UPF2: variants seen among roughly 807,000 people sequenced by gnomAD.
UPF2 encodes the protein regulator of nonsense transcripts 2.
UPF2 carries 17 observed loss-of-function variants against 141.4 expected under a neutral mutation model. The observed-to-expected ratio is 0.12, with a 90% confidence interval of 0.08 to 0.18. The LOEUF is 0.18. UPF2 is among the 10% of genes least tolerant of loss of function. UPF2 has a pLI of 1.00. For synonymous variants in UPF2, 540 were observed against 498.0 expected (o/e 1.08, Z -1.12); for missense variants, 1,152 against 1,515.9 (o/e 0.76, Z 3.99).
At chr10:11,966,143 A>G (rs1833316307) in intron 10 of UPF2, among the ~76,000 whole-genome samples, 1 of 152,218 alleles carries the variant, frequency 6.6e-6, no homozygotes, top group African/African-American at 2.4e-5. Context: ...GCATTTGAAA[A>G]GATTGTAAAT....
Position 12,016,927 on chromosome 10 carries a change from G to A in UPF2, c.1146-2743C>T, listed in dbSNP as rs1272616807. On this transcript the variant is annotated intron_variant, in intron 3 of 21. Coordinates refer to ENST00000357604, the MANE Select transcript of UPF2 (RefSeq NM_015542.4). This position sits in a 1 kb window ranked among gnomAD's most constrained non-coding sequence, Gnocchi z 4.1. ...CCTAGCTCCTTGGGAGGCTGAGGCA[G>A]GAGAATCATTTGAACTCGGAAGGCA... is the stretch of plus-strand genomic sequence containing the variant. 6.6e-6 allele frequency among the ~76,000 whole-genome samples: 1 copy of A among 151,592 alleles called. No individual in the cohort carries two copies. The highest frequency in any genetic ancestry group is 1.5e-5 in the Non-Finnish European group (1 of 67,970).
intron 1 of UPF2, among the ~76,000 whole-genome samples, chr10:12,041,833 T>A (rs978518324): frequency 6.6e-6 from 1 of 152,172 alleles, no homozygotes; most frequent in African/African-American, 2.4e-5. Flanking sequence ...GGAAATGAGA[T>A]AAAGCGTCAG....
chr10:12,018,666 C>G (rs1834266594), intron 3 of UPF2, among the ~76,000 whole-genome samples: 1 of 152,034 alleles, frequency 6.6e-6, no homozygotes, highest in Admixed American at 6.6e-5. Flanking sequence ...GTGGGAGGAT[C>G]ACCTGAACCC....
intron 8 of UPF2, among the ~76,000 whole-genome samples, chr10:11,982,101 G>C (rs547997250): frequency 6.6e-6 from 1 of 151,238 alleles, no homozygotes; most frequent in East Asian, 1.9e-4. Context: ...AATTTACACT[G>C]AGATTAAATT....
At chr10:11,973,808 T>A (rs963009278) in intron 9 of UPF2, among the ~76,000 whole-genome samples, 1 of 152,206 alleles carries the variant, frequency 6.6e-6, no homozygotes, top group Non-Finnish European at 1.5e-5. Context: ...TAGCTTGAAG[T>A]CAGGTTGCAT....
At chr10:11,993,140 G>A (rs7910838) in intron 8 of UPF2, among the ~76,000 whole-genome samples, 7,761 of 113,818 alleles carry the variant, frequency 0.068, 268 homozygotes, top group Non-Finnish European at 0.09. Flanking sequence ...ACAGAGTGAG[G>A]CTCCACCTCA....
chr10:11,997,485 C>G (rs553776501), intron 8 of UPF2, among the ~76,000 whole-genome samples, 187 bp downstream of exon 8: 30 of 152,118 alleles, frequency 2.0e-4, no homozygotes, highest in African/African-American at 6.7e-4. Context: ...GAAATATTCC[C>G]ATTAGAGCTA....
chr10:11,980,617 C>T lies in UPF2; in HGVS notation c.1845-1452G>A, dbSNP rs1304147203. 6.6e-6 allele frequency among the ~76,000 whole-genome samples: 1 copy of T among 151,982 alleles called. No homozygotes were observed. The highest frequency in any genetic ancestry group is 2.4e-5 in the African/African-American group (1 of 41,364). On this transcript the variant is annotated intron_variant, in intron 8 of 21. Transcript: ENST00000357604. This position sits in a 1 kb window ranked among gnomAD's most constrained non-coding sequence, Gnocchi z 4.2. ...GCGTGGTGACAGATGCCTGCAATCCCAGCTACTCGGGAGACTGAGGCAGGA... is the reference window on the plus strand; with the variant it reads ...GCGTGGTGACAGATGCCTGCAATCCTAGCTACTCGGGAGACTGAGGCAGGA...
chr10:11,990,701 C>T (rs1221285605), intron 8 of UPF2, among the ~76,000 whole-genome samples: 1 of 128,920 alleles, frequency 7.8e-6, no homozygotes, highest in Non-Finnish European at 1.7e-5. Flanking sequence ...AAAAAGGAAA[C>T]CTGTTGACCA....
chr10:12,022,344 G>A (rs1374389749), intron 3 of UPF2, among the ~76,000 whole-genome samples: 2 of 151,672 alleles, frequency 1.3e-5, no homozygotes, highest in African/African-American at 2.4e-5. Flanking sequence ...CCTGGGAGGC[G>A]GAGGTTGCAG....
At chr10:12,003,066 T>A (rs1365826055) in intron 5 of UPF2, among the ~76,000 whole-genome samples, 1 of 152,218 alleles carries the variant, frequency 6.6e-6, no homozygotes, top group African/African-American at 2.4e-5. Context: ...TACCTCTAGA[T>A]GAAAACAGAC....
chr10:12,032,368 T>C (rs563647405), intron 2 of UPF2, among the ~76,000 whole-genome samples: 30 of 152,000 alleles, frequency 2.0e-4, no homozygotes, highest in African/African-American at 6.7e-4. Context: ...TTCAGCTGCA[T>C]TGAAAACACT....
chr10:12,013,982 C>CT (rs755892955), intron 4 of UPF2, 42 bp downstream of exon 4: 7 of 1,442,204 alleles, frequency 4.9e-6, no homozygotes, highest in South Asian at 4.7e-5. Context: ...AGTGACAGTG[C>CT]TTACAGAAAA....
intron 3 of UPF2, among the ~76,000 whole-genome samples, chr10:12,027,427 G>A (rs1834437857): frequency 6.6e-6 from 1 of 152,168 alleles, no homozygotes; most frequent in Admixed American, 6.6e-5. Context: ...GATGTATTAG[G>A]TAGGATGTAC....
rs1832833117 is a variant in UPF2, at chr10:11,935,086, C to T, written c.3546+1459G>A. ...AAATTTAGGCATCATCTGTTTGAGG[C>T]TGTGCTAGTGGGGAGGACATCTCAG... On this transcript the variant is annotated intron_variant, in intron 19 of 21. Transcript: ENST00000357604. This position sits in a 1 kb window ranked among gnomAD's most constrained non-coding sequence, Gnocchi z 4.9. 6.6e-6 allele frequency among the ~76,000 whole-genome samples: 1 copy of T among 152,122 alleles called. No homozygotes were observed. The highest frequency in any genetic ancestry group is 2.1e-4 in the South Asian group (1 of 4,816).
intron 9 of UPF2, among the ~76,000 whole-genome samples, chr10:11,973,224 C>T (rs1442760460): frequency 3.9e-5 from 6 of 152,140 alleles, no homozygotes; most frequent in Middle Eastern, 3.4e-3. Flanking sequence ...CACTTTTTGA[C>T]GGGGCTGTTT....
chr10:11,938,865 T>TTTTTTTG (rs1832894957), intron 18 of UPF2, among the ~76,000 whole-genome samples: 1 of 87,418 alleles, frequency 1.1e-5, no homozygotes, highest in Non-Finnish European at 2.3e-5. Flanking sequence ...TTTTTTTTTT[T>TTTTTTTG]TTTTTTTTTT....
chr10:11,958,329 AAAGT>A (rs1240592432), intron 12 of UPF2, among the ~76,000 whole-genome samples: 2 of 152,240 alleles, frequency 1.3e-5, no homozygotes, highest in African/African-American at 2.4e-5. Context: ...AGCCAATTGC[AAAGT>A]AAGCCTTTCA....
intron 10 of UPF2, among the ~76,000 whole-genome samples, chr10:11,965,307 C>A (rs1564347326): frequency 6.6e-6 from 1 of 152,082 alleles, no homozygotes; most frequent in Non-Finnish European, 1.5e-5. Context: ...CAGCATATTC[C>A]TTTCAATTTC....
Sources: allele counts gnomAD v4.1 joint callset (sites outside exome capture counted in the v4.1 genomes callset), GRCh38; gene constraint gnomAD v4.1.1; non-coding constraint Gnocchi (gnomAD v3.1); transcripts MANE v1.5; gene names NCBI Gene and HGNC (gene_info 2026-07-23, HGNC 2026-07-21).